CCNJL: variants seen among roughly 807,000 people sequenced by gnomAD.
CCNJL encodes cyclin J like.
CCNJL carries 33 observed loss-of-function variants against 33.4 expected under a neutral mutation model. The observed-to-expected ratio is 0.99, with a 90% CI of 0.75 to 1.32. The LOEUF (loss-of-function observed/expected upper bound fraction) is 1.32, where lower values mean the gene tolerates loss of function less well. CCNJL is among the 40% of genes most tolerant of loss of function. CCNJL has a pLI of 0.00. For missense variants in CCNJL, 512 were observed against 499.7 expected, an observed-to-expected ratio of 1.02 and a Z score of -0.23; for synonymous variants, 227 against 220.9, an observed-to-expected ratio of 1.03 and a Z score of -0.24.
chr5:160,253,379 T>C lies in CCNJL; in HGVS notation c.1163A>G (p.Ter388TrpextTer27). The change falls in exon 6 of 6, where the codon TAG becomes TGG. Residue 388 changes from the stop codon to tryptophan (W), a stop_lost. Coordinates refer to ENST00000257536, the MANE Select transcript of CCNJL (RefSeq NM_001308173.3). ...HMFPTGCFDR[*>W] The stretch of plus-strand genomic sequence containing the variant: ...TTCCTCGTGAGGTCTGGAGGTGGCC[T>C]ATCTGTCAAAGCAGCCGGTGGGGAA... 1.3e-6 allele frequency: 2 copies of C among 1,571,612 alleles called. No individual in the cohort carries two copies. Among genetic ancestry groups the C allele is most frequent in the Non-Finnish European group, 1.7e-6 (2 of 1,155,332 alleles).
chr5:160,308,794 A>T (rs1010900992), intron 2 of CCNJL, among the ~76,000 whole-genome samples: 1 of 152,196 alleles, frequency 6.6e-6, no homozygotes, highest in Non-Finnish European at 1.5e-5. Context: ...AAACAGAAAA[A>T]CACTTCAGAT....
chr5:160,288,118 A>G (rs577412993), intron 2 of CCNJL, among the ~76,000 whole-genome samples: 1 of 152,204 alleles, frequency 6.6e-6, no homozygotes, highest in East Asian at 1.9e-4. Flanking sequence ...CTTTATTATT[A>G]TTATTATTTT....
chr5:160,259,855 G>T, intron 3 of CCNJL, 84 bp from the exon 4 acceptor site: 1 of 1,115,080 alleles, frequency 9.0e-7, no homozygotes, highest in Non-Finnish European at 1.3e-6. Flanking sequence ...ACAGTGCCTG[G>T]ACATTGCTGG....
rs1174117930 is a variant in CCNJL, at chr5:160,253,656, C to A, written c.886G>T (p.Ala296Ser). 1.9e-6 allele frequency: 3 copies of A among 1,609,900 alleles called. No individual in the cohort carries two copies. The African/African-American group carries it at 4.0e-5, about 22-fold the overall frequency. Residue 296 changes from alanine (A) to serine (S), a missense_variant, in exon 6 of 6, where the codon GCA (alanine) becomes TCA (serine). By Grantham distance (99) the Ala-to-Ser change is moderately conservative. Transcript: ENST00000257536. The stretch of plus-strand genomic sequence containing the variant: ...TCCTGCACGGGGGTCTGGAACTGTG[C>A]CAGGGTGGTCGCTGGCTGGCCGAGG... ...PALGQPATTLAQFQTPVQDLC... is the reference protein window; with the variant it reads ...PALGQPATTLSQFQTPVQDLC...
rs375236790 is a variant in CCNJL, at chr5:160,253,677, C to T, written c.865G>A (p.Gly289Ser). The change falls in exon 6 of 6, where the codon GGC becomes AGC. Residue 289 changes from glycine (G) to serine (S), a missense_variant. By Grantham distance (56) the Gly-to-Ser change is moderately conservative. Transcript: ENST00000257536. ...TGTGCCAGGGTGGTCGCTGGCTGGCCGAGGGCCGGGTAGGCTGGTGGCTGG... is the reference window on the plus strand; with the variant it reads ...TGTGCCAGGGTGGTCGCTGGCTGGCTGAGGGCCGGGTAGGCTGGTGGCTGG... ...LFQPPAYPAL[G>S]QPATTLAQFQ... The T allele has an allele frequency of 2.6e-5, 41 of 1,606,890 alleles. No individual in the cohort carries two copies. The East Asian group carries it at 2.7e-4, about 11-fold the overall frequency.
At chr5:160,337,911 G>T (rs114335387) in intron 1 of CCNJL, among the ~76,000 whole-genome samples, 1 of 152,094 alleles carries the variant, frequency 6.6e-6, no homozygotes, top group African/African-American at 2.4e-5. Context: ...TCTGAGTTCT[G>T]CAAACACCCC....
At chr5:160,289,344 G>A (rs1439852678) in intron 2 of CCNJL, among the ~76,000 whole-genome samples, 1 of 152,168 alleles carries the variant, frequency 6.6e-6, no homozygotes, top group Non-Finnish European at 1.5e-5. Context: ...CTGGCTCAGT[G>A]AATGGACGTC....
chr5:160,280,649 G>C lies in CCNJL; in HGVS notation c.156C>G (p.His52Gln). The change falls in exon 3 of 6, where the codon CAC (histidine) becomes CAG (glutamine). Residue 52 changes from histidine to glutamine, a missense_variant. Coordinates refer to ENST00000257536, the MANE Select transcript of CCNJL (RefSeq NM_001308173.3). ...FVDILTLLSSHCQLCPAARHL... is the reference protein window; with the variant it reads ...FVDILTLLSSQCQLCPAARHL... ...GCCGGGCTGCAGGGCAGAGCTGGCA[G>C]TGGCTGCTCAGCAGGGTCAGGATGT... The C allele has an allele frequency of 5.0e-6, 8 of 1,613,494 alleles. No individual in the cohort carries two copies. The highest frequency in any genetic ancestry group is 6.8e-6 in the Non-Finnish European group (8 of 1,179,814).
chr5:160,276,417 A>AAAAAAAAAAAGAAAAAG (rs1353816184), intron 3 of CCNJL: 1 of 149,320 alleles, frequency 6.7e-6, no homozygotes, highest in Admixed American at 6.7e-5. Context: ...CTCCGTCTCA[A>AAAAAAAAAAAGAAAAAG]AAAAAAAAAA....
intron 2 of CCNJL, among the ~76,000 whole-genome samples, chr5:160,292,204 G>T (rs902404672): frequency 1.1e-4 from 17 of 152,126 alleles, no homozygotes; most frequent in African/African-American, 3.9e-4. Flanking sequence ...AGCTCCTCCA[G>T]CTTCTCATAC....
At chr5:160,326,486 C>CAAAAAAAAAA (rs11461365) in intron 1 of CCNJL, among the ~76,000 whole-genome samples, 1 of 57,646 alleles carries the variant, frequency 1.7e-5, no homozygotes, top group African/African-American at 6.1e-5. Context: ...ACTCTGTCTC[C>CAAAAAAAAAA]AAAAAAAAAA....
intron 4 of CCNJL, chr5:160,258,268 G>T: frequency 1.4e-6 from 1 of 708,120 alleles, no homozygotes; most frequent in Non-Finnish European, 2.6e-6. Context: ...TGGCAAGAAG[G>T]CTGTTGCAGC....
intron 5 of CCNJL, chr5:160,254,210 A>G: frequency 1.9e-6 from 1 of 520,768 alleles, no homozygotes. Context: ...TGGGGCCTGA[A>G]TGAGCCCAAT....
intron 2 of CCNJL, among the ~76,000 whole-genome samples, chr5:160,283,660 A>G (rs759832255): frequency 3.3e-5 from 5 of 152,170 alleles, no homozygotes; most frequent in Non-Finnish European, 5.9e-5. Context: ...TTTGAAATGT[A>G]CAATTAAGAT....
chr5:160,327,265 G>A (rs1376829386), intron 1 of CCNJL, among the ~76,000 whole-genome samples: 1 of 152,178 alleles, frequency 6.6e-6, no homozygotes. Context: ...ATTGATGAAA[G>A]GAGTCCATTC....
chr5:160,321,015 T>TC (rs1491293132), intron 1 of CCNJL, among the ~76,000 whole-genome samples: 79 of 18,252 alleles, frequency 4.3e-3, no homozygotes, highest in East Asian at 6.5e-3. Flanking sequence ...TCTCTCTCTC[T>TC]TTCTTTCTTT....
chr5:160,303,982 T>C (rs886690440), intron 2 of CCNJL, among the ~76,000 whole-genome samples: 9 of 152,172 alleles, frequency 5.9e-5, no homozygotes, highest in African/African-American at 7.2e-5. Flanking sequence ...GCCAAGTCCC[T>C]TGCCCATCTC....
chr5:160,335,751 T>TG (rs1561816559), intron 1 of CCNJL, among the ~76,000 whole-genome samples: 1 of 142,392 alleles, frequency 7.0e-6, no homozygotes, highest in African/African-American at 2.8e-5. Context: ...TTTTTGAAAT[T>TG]TTTTTTTTTT....
upstream of CCNJL, among the ~76,000 whole-genome samples, chr5:160,316,393 C>T (rs563810721): frequency 6.6e-6 from 1 of 151,230 alleles, no homozygotes; most frequent in South Asian, 2.1e-4. Flanking sequence ...GTGCATTCTA[C>T]TTATCTTCAG....
Sources: allele counts gnomAD v4.1 joint callset (sites outside exome capture counted in the v4.1 genomes callset), GRCh38; gene constraint gnomAD v4.1.1; transcripts MANE v1.5; gene names NCBI Gene and HGNC (gene_info 2026-07-23, HGNC 2026-07-21).